The following TAF3 variants were observed in gnomAD, a reference collection of about 807,000 sequenced individuals.
The protein encoded by TAF3 is TATA-box binding protein associated factor 3.
A neutral mutation model predicts 80.6 loss-of-function variants in TAF3; 7 were observed. The ratio of observed to expected loss-of-function variants is 0.09; its 90% CI spans 0.05 to 0.16. The LOEUF is 0.16. Among genes scored for constraint, TAF3 ranks in the 10% least tolerant of loss-of-function variants. TAF3 has a pLI of 1.00. For synonymous variants in TAF3, 444 were observed against 446.1 expected (o/e 1.00, Z 0.06); for missense variants, 921 against 1,140.2 (o/e 0.81, Z 2.77).
At chr10:7,943,659 A>G (rs150810161) in intron 2 of TAF3, among the ~76,000 whole-genome samples, 1 of 152,350 alleles carries the variant, frequency 6.6e-6, no homozygotes, top group East Asian at 1.9e-4. Flanking sequence ...TGCTCAGTAC[A>G]CATTAAATGC....
rs183527191 is a variant in TAF3 at position 7,869,198 on chromosome 10, A to T, written c.409+44638A>T. On this transcript the variant is annotated intron_variant, in intron 2 of 6. Transcript: ENST00000344293. ...AAATGTTTACAGATAAGATAAAAGA[A>T]AGATGTCACATATAATCCCATGAAG... Among the ~76,000 whole-genome samples the T allele has an allele frequency of 1.7e-3, 252 of 152,310 alleles. 1 individual carries two copies. Among genetic ancestry groups the T allele is most frequent in the African/African-American group, 4.7e-3 (196 of 41,556 alleles).
intron 3 of TAF3, among the ~76,000 whole-genome samples, chr10:7,973,779 A>G (rs1357103418): frequency 6.6e-6 from 1 of 152,242 alleles, no homozygotes; most frequent in Non-Finnish European, 1.5e-5. Flanking sequence ...AATAGTTCAT[A>G]AGACTGGACC....
In TAF3 at chr10:7,977,203, A is replaced by C. The variant is rs919569711; in HGVS notation, c.2233-38A>C. 5.6e-6 allele frequency: 9 copies of C among 1,605,686 alleles called. No individual in the cohort carries two copies. In the African/African-American group the frequency reaches 1.2e-4, roughly 21 times the overall value. ...GAAGTGGTAGGAGGTACTTTTGTTG[A>C]AAAACCATATTGAACTTTAATGTGC... is the stretch of plus-strand genomic sequence containing the variant. On this transcript the variant is annotated intron_variant, in intron 3 of 6. Coordinates refer to ENST00000344293, the MANE Select transcript of TAF3 (RefSeq NM_031923.4).
At chr10:7,860,242 A>C (rs1837130219) in intron 2 of TAF3, among the ~76,000 whole-genome samples, 1 of 151,754 alleles carries the variant, frequency 6.6e-6, no homozygotes, top group Non-Finnish European at 1.5e-5. Flanking sequence ...ACTGCACTTC[A>C]GCCTGGGTAG....
chr10:7,884,455 C>T (rs930186486), intron 2 of TAF3, among the ~76,000 whole-genome samples: 23 of 140,514 alleles, frequency 1.6e-4, no homozygotes, highest in East Asian at 6.8e-4. Context: ...GGTGCCATCT[C>T]GGCTCACTGC....
intron 2 of TAF3, among the ~76,000 whole-genome samples, chr10:7,923,364 G>A (rs1160247968): frequency 3.3e-5 from 5 of 151,952 alleles, no homozygotes; most frequent in African/African-American, 9.7e-5. Flanking sequence ...ATTACCTTTT[G>A]TTATAGGTTT....
At chr10:7,824,589 A>G (rs1836723236) in intron 2 of TAF3, 29 bp downstream of exon 2, 2 of 1,606,728 alleles carry the variant, frequency 1.2e-6, no homozygotes, top group Non-Finnish European at 1.7e-6. Flanking sequence ...TTCATATGTT[A>G]GTGATTATTT....
chr10:7,876,205 T>C (rs1208897710), intron 2 of TAF3, among the ~76,000 whole-genome samples: 1 of 152,174 alleles, frequency 6.6e-6, no homozygotes, highest in African/African-American at 2.4e-5. Flanking sequence ...TGAAATCGAC[T>C]ATTTTAGTAA....
intron 2 of TAF3, among the ~76,000 whole-genome samples, chr10:7,852,653 CACATAATATCA>C (rs1837039765): frequency 6.6e-6 from 1 of 152,192 alleles, no homozygotes; most frequent in Non-Finnish European, 1.5e-5. Context: ...CGTCAGAGTA[CACATAATATCA>C]ACATAATATC....
At chr10:7,974,863 C>T (rs868698346) in intron 3 of TAF3, among the ~76,000 whole-genome samples, 1 of 152,006 alleles carries the variant, frequency 6.6e-6, no homozygotes, top group Non-Finnish European at 1.5e-5. Context: ...ATCACGAGGT[C>T]AGGAGATCGA....
chr10:7,849,721 C>T (rs943269331), intron 2 of TAF3, among the ~76,000 whole-genome samples: 2 of 151,708 alleles, frequency 1.3e-5, no homozygotes, highest in Non-Finnish European at 2.9e-5. Context: ...ACTCTGTCAC[C>T]CAGGCTGGAG....
intron 2 of TAF3, among the ~76,000 whole-genome samples, chr10:7,850,253 C>G (rs955710549): frequency 6.6e-6 from 1 of 152,140 alleles, no homozygotes; most frequent in Non-Finnish European, 1.5e-5. Flanking sequence ...CATTGATTTG[C>G]TTTCATGAGT....
intron 4 of TAF3, among the ~76,000 whole-genome samples, chr10:7,986,872 A>C (rs961893101): frequency 1.3e-5 from 2 of 152,240 alleles, no homozygotes; most frequent in Non-Finnish European, 2.9e-5. Flanking sequence ...GAAGCAAAAC[A>C]CTTAAAAGTC....
chr10:7,993,187 G>T (rs1831850457), intron 4 of TAF3, among the ~76,000 whole-genome samples: 1 of 151,836 alleles, frequency 6.6e-6, no homozygotes, highest in African/African-American at 2.4e-5. Flanking sequence ...CTCCTTTTTT[G>T]CAGGGGAAGG....
chr10:7,972,425 A>G (rs1440355879), intron 3 of TAF3, among the ~76,000 whole-genome samples: 1 of 152,208 alleles, frequency 6.6e-6, no homozygotes, highest in Admixed American at 6.5e-5. Flanking sequence ...AAAAGTATTT[A>G]AGTAGTTTTT....
intron 2 of TAF3, among the ~76,000 whole-genome samples, chr10:7,867,213 C>T (rs1361715867): frequency 6.6e-6 from 1 of 152,006 alleles, no homozygotes; most frequent in East Asian, 1.9e-4. Flanking sequence ...GAGCCGAGAT[C>T]ATGTCACTGC....
intron 2 of TAF3, among the ~76,000 whole-genome samples, chr10:7,882,104 T>G (rs1488536583): frequency 6.6e-6 from 1 of 152,228 alleles, no homozygotes; most frequent in Non-Finnish European, 1.5e-5. Flanking sequence ...CCTATACTGA[T>G]GCATTATAAA....
At chr10:7,909,241 G>C (rs570234994) in intron 2 of TAF3, among the ~76,000 whole-genome samples, 3 of 152,336 alleles carry the variant, frequency 2.0e-5, no homozygotes, top group East Asian at 1.9e-4. Flanking sequence ...CTGGGGCCCA[G>C]GCTCTGGGTT....
intron 2 of TAF3, among the ~76,000 whole-genome samples, chr10:7,932,154 T>C (rs1837874444): frequency 6.6e-6 from 1 of 152,170 alleles, no homozygotes; most frequent in African/African-American, 2.4e-5. Context: ...GTCACTGTTT[T>C]AAAAAGTAAA....
Sources: allele counts gnomAD v4.1 joint callset (sites outside exome capture counted in the v4.1 genomes callset), GRCh38; gene constraint gnomAD v4.1.1; transcripts MANE v1.5; gene names NCBI Gene and HGNC (gene_info 2026-07-23, HGNC 2026-07-21).